The following SNTG1 variants were observed in gnomAD, a reference collection of about 807,000 sequenced individuals.
SNTG1 encodes gamma-1-syntrophin.
A neutral mutation model predicts 74.7 loss-of-function variants in SNTG1; 39 were observed. The observed-to-expected ratio is 0.52, with a 90% CI of 0.40 to 0.68. SNTG1 has a LOEUF of 0.68. Among genes scored for constraint, SNTG1 ranks in the 30% least tolerant of loss-of-function variants. SNTG1 has a pLI of 0.00. For synonymous variants in SNTG1, 254 were observed against 217.1 expected, an observed-to-expected ratio of 1.17 and a Z score of -1.49; for missense variants, 685 against 609.5, an observed-to-expected ratio of 1.12 and a Z score of -1.30.
At chr8:50,452,487 A>G (rs1344777282) in intron 8 of SNTG1, among the ~76,000 whole-genome samples, 1 of 152,226 alleles carries the variant, frequency 6.6e-6, no homozygotes, top group African/African-American at 2.4e-5. Flanking sequence ...ATTCTCTTTT[A>G]AAACCACATG....
At chr8:50,259,978 C>T (rs948324763) in intron 2 of SNTG1, among the ~76,000 whole-genome samples, 4 of 152,106 alleles carry the variant, frequency 2.6e-5, no homozygotes, top group Non-Finnish European at 5.9e-5. Context: ...GGGTTTCCCA[C>T]ACTTTTATGT....
intron 15 of SNTG1, among the ~76,000 whole-genome samples, chr8:50,681,910 C>T (rs2095332420): frequency 6.6e-6 from 1 of 152,140 alleles, no homozygotes; most frequent in Non-Finnish European, 1.5e-5. Flanking sequence ...AGACACACAC[C>T]TCAGTCAAGA....
At chr8:50,270,090 A>G (rs2087700127) in intron 2 of SNTG1, among the ~76,000 whole-genome samples, 1 of 152,180 alleles carries the variant, frequency 6.6e-6, no homozygotes, top group African/African-American at 2.4e-5. Flanking sequence ...TCCAGCATGA[A>G]CAAGAATATC....
Position 50,506,119 on chromosome 8 carries a change from A to G in SNTG1, c.466+3239A>G, listed in dbSNP as rs559715297. On this transcript the variant is annotated intron_variant, in intron 9 of 18. Transcript: ENST00000642720. ...TTGAAGAGAAGACTATTCTTTCCCTATTGTATAACCTTAACATGTTTGTTT... is the reference window on the plus strand; with the variant it reads ...TTGAAGAGAAGACTATTCTTTCCCTGTTGTATAACCTTAACATGTTTGTTT... Among the ~76,000 whole-genome samples the G allele has an allele frequency of 5.9e-5, 9 of 152,160 alleles. 1 individual carries two copies. The highest frequency in any genetic ancestry group is 1.7e-4 in the African/African-American group (7 of 41,554).
intron 1 of SNTG1, among the ~76,000 whole-genome samples, chr8:50,001,826 G>T (rs1171378161): frequency 6.6e-6 from 1 of 152,168 alleles, no homozygotes; most frequent in Admixed American, 6.5e-5. Context: ...ATGGTTTGTA[G>T]AGTAATTCCA....
chr8:50,447,540 G>A (rs1196105841), intron 5 of SNTG1, among the ~76,000 whole-genome samples: 1 of 152,132 alleles, frequency 6.6e-6, no homozygotes, highest in Non-Finnish European at 1.5e-5. Context: ...AGTGTCTCTA[G>A]AGGCTATCAG....
intron 8 of SNTG1, among the ~76,000 whole-genome samples, chr8:50,494,361 C>A (rs1028615962): frequency 6.6e-6 from 1 of 151,646 alleles, no homozygotes; most frequent in Non-Finnish European, 1.5e-5. Flanking sequence ...ATAATTGTCT[C>A]GTTTATTTTA....
chr8:50,356,718 C>T (rs888799180), intron 2 of SNTG1, among the ~76,000 whole-genome samples: 9 of 152,082 alleles, frequency 5.9e-5, no homozygotes, highest in African/African-American at 2.2e-4. Context: ...ACCCTCATGA[C>T]CTAATTACCT....
At chr8:50,356,105 C>T (rs1452328493) in intron 2 of SNTG1, among the ~76,000 whole-genome samples, 1 of 151,740 alleles carries the variant, frequency 6.6e-6, no homozygotes, top group African/African-American at 2.4e-5. Context: ...TCTGATTTTC[C>T]ATCCATGTGC....
chr8:50,764,961 G>A (rs1210491667), intron 18 of SNTG1, among the ~76,000 whole-genome samples: 1 of 151,904 alleles, frequency 6.6e-6, no homozygotes, highest in East Asian at 1.9e-4. Context: ...AAAAAAGAAG[G>A]ACATTATATC....
intron 2 of SNTG1, among the ~76,000 whole-genome samples, chr8:50,290,043 G>T (rs182857929): frequency 2.0e-5 from 3 of 152,240 alleles, no homozygotes; most frequent in African/African-American, 7.2e-5. Flanking sequence ...CAACTTGAAG[G>T]ATTCTTCAGT....
chr8:50,691,225 A>T (rs991556402), intron 15 of SNTG1, among the ~76,000 whole-genome samples: 1 of 152,148 alleles, frequency 6.6e-6, no homozygotes. Context: ...GTGTCTTTCA[A>T]TTGGAGCATT....
chr8:50,673,285 G>A (rs1488904585), intron 15 of SNTG1, among the ~76,000 whole-genome samples: 2 of 152,086 alleles, frequency 1.3e-5, no homozygotes, highest in Non-Finnish European at 2.9e-5. Flanking sequence ...CCATTTTCAT[G>A]ATATTGATTC....
At chr8:49,990,926 G>T (rs1183702802) in intron 1 of SNTG1, among the ~76,000 whole-genome samples, 2 of 152,004 alleles carry the variant, frequency 1.3e-5, no homozygotes, top group East Asian at 3.9e-4. Context: ...AGTAGCAATA[G>T]AAAAAATGGA....
At chr8:50,185,837 T>G (rs2131743046) in intron 2 of SNTG1, among the ~76,000 whole-genome samples, 1 of 151,916 alleles carries the variant, frequency 6.6e-6, no homozygotes, top group African/African-American at 2.4e-5. Context: ...ATTTATTTTT[T>G]TTTAATTTTA....
In SNTG1 at chr8:50,546,383, T is replaced by TA. The variant is rs944761668; in HGVS notation, c.681-6667_681-6666insA. Among the ~76,000 whole-genome samples, 42 of 151,576 alleles carry TA rather than the reference T, an allele frequency of 2.8e-4. 1 individual carries two copies. Among genetic ancestry groups the TA allele is most frequent in the Admixed American group, 2.2e-3 (34 of 15,230 alleles). The stretch of plus-strand genomic sequence containing the variant: ...GTTACTAATTGAGAAGGAAGACTTT[T>TA]TTATTATTATTATTATACTTTAAGT... On this transcript the variant is annotated intron_variant, in intron 11 of 18. Transcript: ENST00000642720.
At chr8:50,320,639 T>C (rs1252329142) in intron 2 of SNTG1, among the ~76,000 whole-genome samples, 3 of 152,074 alleles carry the variant, frequency 2.0e-5, no homozygotes, top group Non-Finnish European at 4.4e-5. Context: ...TTTTTTAATG[T>C]AGGCACTTGT....
chr8:50,579,147 C>T (rs1433345998), intron 12 of SNTG1, among the ~76,000 whole-genome samples: 1 of 152,112 alleles, frequency 6.6e-6, no homozygotes, highest in East Asian at 1.9e-4. Context: ...CAATGAAGTC[C>T]AGGCTGAGAT....
intron 2 of SNTG1, among the ~76,000 whole-genome samples, chr8:50,187,669 C>T (rs1189847126): frequency 6.6e-6 from 1 of 152,136 alleles, no homozygotes; most frequent in Non-Finnish European, 1.5e-5. Flanking sequence ...CCAATGGTCA[C>T]ATTTCTTTTG....
Sources: gnomAD v4.1 joint callset for allele counts (sites outside exome capture counted in the v4.1 genomes callset) on GRCh38, gnomAD v4.1.1 for gene constraint, MANE v1.5 for transcripts, NCBI Gene and HGNC (gene_info 2026-07-23, HGNC 2026-07-21) for gene names.